TAFA2: variants seen among roughly 807,000 people sequenced by gnomAD.
TAFA2 encodes chemokine-like protein TAFA-2.
TAFA2 carries 7 observed loss-of-function variants against 18.8 expected under a neutral mutation model. That is an observed-to-expected ratio of 0.37 (90% confidence interval 0.21 to 0.70). TAFA2 has a LOEUF of 0.70. Ranked by LOEUF, TAFA2 falls within the 30% of genes least tolerant of loss-of-function variation. The pLI, the probability that TAFA2 is intolerant of heterozygous loss-of-function variation, is 0.53. For missense variants in TAFA2, 122 were observed against 158.1 expected (o/e 0.77, Z 1.23); for synonymous variants, 60 against 54.2 (o/e 1.11, Z -0.47).
intron 2 of TAFA2, among the ~76,000 whole-genome samples, chr12:61,763,537 A>G (rs796209852): frequency 8.6e-5 from 13 of 151,988 alleles, no homozygotes; most frequent in African/African-American, 3.1e-4. Context: ...GAATAAGTGG[A>G]CCCTTTATAC....
intron 1 of TAFA2, among the ~76,000 whole-genome samples, chr12:62,236,466 C>T (rs149684534): frequency 0.022 from 3,340 of 152,118 alleles, 125 homozygotes; most frequent in African/African-American, 0.075. Context: ...AGGGTTTCAC[C>T]GTGTTAGCCA....
At chr12:62,037,649 A>T (rs1881645663) in intron 1 of TAFA2, among the ~76,000 whole-genome samples, 1 of 152,188 alleles carries the variant, frequency 6.6e-6, no homozygotes, top group African/African-American at 2.4e-5. Flanking sequence ...GGGGCAGACC[A>T]TCTGTACTTT....
intron 2 of TAFA2, among the ~76,000 whole-genome samples, chr12:61,855,460 A>G (rs1301408543): frequency 6.6e-6 from 1 of 152,184 alleles, no homozygotes; most frequent in African/African-American, 2.4e-5. Context: ...ACTATTAAGG[A>G]AGCTGAATTC....
chr12:62,025,428 T>TA (rs1178500934), intron 1 of TAFA2, among the ~76,000 whole-genome samples: 2 of 152,090 alleles, frequency 1.3e-5, no homozygotes, highest in Non-Finnish European at 2.9e-5. Flanking sequence ...TTTTAAAAAT[T>TA]AAAAAATAAG....
intron 1 of TAFA2, among the ~76,000 whole-genome samples, chr12:62,171,966 A>G (rs954337911): frequency 6.6e-6 from 1 of 152,170 alleles, no homozygotes; most frequent in South Asian, 2.1e-4. Flanking sequence ...GCCCACATAT[A>G]TCACTTTTTA....
In TAFA2 at chr12:61,940,215, T is replaced by C. The variant is rs921839680; in HGVS notation, c.-1-72789A>G. Among the ~76,000 whole-genome samples the C allele has an allele frequency of 1.1e-4, 16 of 152,298 alleles. No homozygotes were observed. The East Asian group carries it at 1.9e-3, about 18-fold the overall frequency. ...CTTCATAGACATGTAATGTGTGCAA[T>C]TGCATAAGGTCCCAAGCCCAGACAC... On this transcript the variant is annotated intron_variant, in intron 1 of 4. Transcript: ENST00000416284.
intron 1 of TAFA2, among the ~76,000 whole-genome samples, chr12:62,145,201 A>G (rs1289577849): frequency 1.3e-5 from 2 of 152,182 alleles, no homozygotes; most frequent in East Asian, 3.9e-4. Context: ...CCCATCCACC[A>G]GGCCGCAGAC....
chr12:62,063,838 C>A (rs1362508993), intron 1 of TAFA2, among the ~76,000 whole-genome samples: 2 of 147,632 alleles, frequency 1.4e-5, no homozygotes, highest in African/African-American at 5.0e-5. Flanking sequence ...ATGGTTTTTG[C>A]TATGTAAGGG....
intron 2 of TAFA2, among the ~76,000 whole-genome samples, chr12:61,780,181 GTAGTGAAGCAGGATAAA>G (rs1008954376): frequency 3.3e-5 from 5 of 151,814 alleles, no homozygotes; most frequent in African/African-American, 1.2e-4. Flanking sequence ...GAGCACACAG[GTAGTGAAGCAGGATAAA>G]TGCCAACAGG....
At chr12:62,202,981 C>A (rs1225130386) in intron 1 of TAFA2, among the ~76,000 whole-genome samples, 4 of 152,088 alleles carry the variant, frequency 2.6e-5, no homozygotes, top group South Asian at 2.1e-4. Flanking sequence ...CACATGCCAA[C>A]ATGCCCAGCT....
chr12:61,755,073 TC>T, intron 2 of TAFA2, 49 bp from the exon 3 acceptor site: 10 of 1,586,012 alleles, frequency 6.3e-6, no homozygotes, highest in Non-Finnish European at 7.8e-6. Flanking sequence ...TTTGGACACT[TC>T]CCCCCACCCT....
At position 62,080,331 on chromosome 12, in the gene TAFA2, A is replaced by C. The variant is rs912008929; in HGVS notation, c.-2+110928T>G. ...TTATCAAGGATGTTTTTCTTGTCTTAAAGTCCCTTTTATTCACAGTTCTGG... is the reference window on the plus strand; with the variant it reads ...TTATCAAGGATGTTTTTCTTGTCTTCAAGTCCCTTTTATTCACAGTTCTGG... On this transcript the variant is annotated intron_variant, in intron 1 of 4. Coordinates refer to ENST00000416284, the MANE Select transcript of TAFA2 (RefSeq NM_178539.5). Among the ~76,000 whole-genome samples the C allele has an allele frequency of 3.9e-5, 6 of 152,188 alleles. No individual in the cohort carries two copies. In the South Asian group the frequency reaches 1.2e-3, roughly 31 times the overall value.
intron 1 of TAFA2, chr12:61,878,042 G>A (rs1468354536): frequency 4.4e-6 from 2 of 452,852 alleles, no homozygotes; most frequent in East Asian, 1.4e-4. Context: ...AAATAAGCCA[G>A]ACACAAAAGT....
intron 1 of TAFA2, among the ~76,000 whole-genome samples, chr12:61,958,998 C>T (rs936413914): frequency 6.6e-6 from 1 of 151,864 alleles, no homozygotes; most frequent in African/African-American, 2.4e-5. Context: ...GCTATATTTG[C>T]CAATATGAAT....
intron 4 of TAFA2, among the ~76,000 whole-genome samples, chr12:61,733,231 A>G (rs1231992006): frequency 6.6e-6 from 1 of 151,864 alleles, no homozygotes; most frequent in Non-Finnish European, 1.5e-5. Flanking sequence ...TTACCTGTTC[A>G]CTCTGATGGT....
intron 1 of TAFA2, among the ~76,000 whole-genome samples, chr12:62,208,928 C>T (rs12303253): frequency 0.013 from 1,935 of 152,320 alleles, 43 homozygotes; most frequent in African/African-American, 0.044. Context: ...TCTCTGTTGA[C>T]TTTGTCATGC....
At position 62,081,033 on chromosome 12, in the gene TAFA2, A is replaced by C. The variant is rs369157236; in HGVS notation, c.-2+110226T>G. Among the ~76,000 whole-genome samples, 19 of 152,224 alleles carry C rather than the reference A, an allele frequency of 1.2e-4. No homozygotes were observed. The East Asian group carries it at 1.5e-3, about 12-fold the overall frequency. ...CACGGTGAAACCCTGTCTCTACGAA[A>C]AGACACAAAAAATTAGCCGGGCGTA... On this transcript the variant is annotated intron_variant, in intron 1 of 4. Transcript: ENST00000416284.
At chr12:62,219,283 G>T (rs1741145270) in intron 1 of TAFA2, among the ~76,000 whole-genome samples, 1 of 152,042 alleles carries the variant, frequency 6.6e-6, no homozygotes, top group Admixed American at 6.6e-5. Flanking sequence ...ATTAGCTTCG[G>T]TTAAAACTGT....
chr12:61,831,360 A>C (rs1872714799), intron 2 of TAFA2, among the ~76,000 whole-genome samples: 1 of 152,062 alleles, frequency 6.6e-6, no homozygotes, highest in Non-Finnish European at 1.5e-5. Context: ...GAGAACATTT[A>C]CTCTATTATT....
Sources: gnomAD v4.1 joint callset for allele counts (sites outside exome capture counted in the v4.1 genomes callset) on GRCh38, gnomAD v4.1.1 for gene constraint, MANE v1.5 for transcripts, NCBI Gene and HGNC (gene_info 2026-07-23, HGNC 2026-07-21) for gene names.